DRC7: variants seen among roughly 807,000 people sequenced by gnomAD.
DRC7 encodes dynein regulatory complex subunit 7.
Under a neutral mutation model 104.4 loss-of-function variants are expected in DRC7, and 80 were observed. The observed-to-expected ratio is 0.77, with a 90% CI of 0.64 to 0.92. The LOEUF (loss-of-function observed/expected upper bound fraction) is 0.92. DRC7 is among the 40% of genes least tolerant of loss of function. DRC7 has a pLI of 0.00. For missense variants in DRC7, 1,034 were observed against 1,141.1 expected (o/e 0.91, Z 1.35); for synonymous variants, 405 against 447.3 (o/e 0.91, Z 1.19).
At chr16:57,702,493 C>T (rs975869178) in intron 6 of DRC7, among the ~76,000 whole-genome samples, 1 of 152,126 alleles carries the variant, frequency 6.6e-6, no homozygotes, top group African/African-American at 2.4e-5. Context: ...AAAATCCAGC[C>T]AGCCATTTTT....
intron 8 of DRC7, among the ~76,000 whole-genome samples, 174 bp from the exon 9 acceptor site, chr16:57,718,173 G>A (rs1208671677): frequency 2.0e-5 from 3 of 152,226 alleles, no homozygotes; most frequent in Non-Finnish European, 4.4e-5. Context: ...CTGTTGGGAT[G>A]AGGAGTGTGG....
chr16:57,726,976 G>A, intron 15 of DRC7, 34 bp downstream of exon 15: 1 of 1,361,914 alleles, frequency 7.3e-7, no homozygotes, highest in African/African-American at 1.4e-5. Context: ...CAGGTGGGCG[G>A]TATCTTTGTT....
At chr16:57,707,184 A>G (rs1412605698) in intron 7 of DRC7, among the ~76,000 whole-genome samples, 8 of 152,222 alleles carry the variant, frequency 5.3e-5, no homozygotes, top group African/African-American at 1.9e-4. Flanking sequence ...CCAAAGTCAT[A>G]ACATATAAAG....
intron 17 of DRC7, among the ~76,000 whole-genome samples, chr16:57,728,888 G>A (rs568657962): frequency 4.0e-5 from 6 of 149,352 alleles, no homozygotes; most frequent in South Asian, 4.2e-4. Flanking sequence ...ATAGATGGGT[G>A]GGTGGATTGA....
chr16:57,719,744 GA>G (rs1427057973), intron 9 of DRC7, among the ~76,000 whole-genome samples: 1 of 152,100 alleles, frequency 6.6e-6, no homozygotes, highest in Admixed American at 6.6e-5. Context: ...CTGGGCTCAA[GA>G]GATCCCCTTG....
intron 14 of DRC7, 172 bp downstream of exon 14, chr16:57,726,455 G>A (rs1369809983): frequency 8.0e-6 from 5 of 625,498 alleles, no homozygotes; most frequent in Non-Finnish European, 1.4e-5. Context: ...CCTTCTCTTT[G>A]AGCTCCTCTG....
At chr16:57,709,633 T>A (rs2048772183) in intron 8 of DRC7, among the ~76,000 whole-genome samples, 2 of 152,194 alleles carry the variant, frequency 1.3e-5, no homozygotes, top group South Asian at 4.1e-4. Flanking sequence ...CTGATTGTGT[T>A]CCCCCCTTTT....
rs141535311 is a variant in DRC7, at chr16:57,726,874, G to C, written c.2017G>C (p.Glu673Gln). Residue 673 changes from glutamate (E) to glutamine (Q), a missense_variant, in exon 15 of 19, where the codon GAG (glutamate) becomes CAG (glutamine). Transcript: ENST00000360716. ...CACCAAGAAGCTGCTCTACCAGTAC[G>C]AGGCCATGATGCACCTGAAGAGGGA... ...EHTKKLLYQYEAMMHLKREEK... is the reference protein window; with the variant it reads ...EHTKKLLYQYQAMMHLKREEK... 2 of 1,613,120 alleles carry C rather than the reference G, an allele frequency of 1.2e-6. No homozygotes were observed. Among genetic ancestry groups the C allele is most frequent in the African/African-American group, 2.7e-5 (2 of 74,888 alleles).
Position 57,724,807 on chromosome 16 carries a change from G to A in DRC7, c.1730G>A (p.Ser577Asn). ...CGAGTCAAGAAGCTCACTCTGAGCAGTGCAGAGTCAAACCCCCGGCCCATT... is the reference window on the plus strand; with the variant it reads ...CGAGTCAAGAAGCTCACTCTGAGCAATGCAGAGTCAAACCCCCGGCCCATT... ...GPRVKKLTLS[S>N]AESNPRPIVK... Residue 577 changes from serine (S) to asparagine (N), a missense_variant, in exon 13 of 19, where the codon AGT (serine) becomes AAT (asparagine). Coordinates refer to ENST00000360716, the MANE Select transcript of DRC7 (RefSeq NM_001289162.2). 1 of 1,613,604 alleles carries A rather than the reference G, an allele frequency of 6.2e-7. No individual in the cohort carries two copies. Among genetic ancestry groups the A allele is most frequent in the Non-Finnish European group, 8.5e-7 (1 of 1,179,958 alleles).
chr16:57,717,678 G>A (rs1452719074), intron 8 of DRC7, among the ~76,000 whole-genome samples: 1 of 151,262 alleles, frequency 6.6e-6, no homozygotes, highest in Non-Finnish European at 1.5e-5. Context: ...CAGCCTGGGC[G>A]ACAGAGTGAG....
At chr16:57,728,693 C>G in intron 17 of DRC7, 109 bp downstream of exon 17, 1 of 864,868 alleles carries the variant, frequency 1.2e-6, no homozygotes. Context: ...GGCCTGATGA[C>G]GGGATGAATA....
chr16:57,700,155 GCA>G lies in DRC7; in HGVS notation c.392_393del (p.Thr131AsnfsTer33), dbSNP rs1393584744. On this transcript the variant is annotated frameshift_variant, in exon 5 of 19. Coordinates refer to ENST00000360716, the MANE Select transcript of DRC7 (RefSeq NM_001289162.2). LOFTEE classifies it high-confidence loss of function. ...TCTCTCTCCTTGCAGAAGTTCGTGA[GCA>G]CAACCCTCCGGCCCACACTGATGCC... 6.2e-7 allele frequency: 1 copy of G among 1,613,676 alleles called. No individual in the cohort carries two copies. The highest frequency in any genetic ancestry group is 8.5e-7 in the Non-Finnish European group (1 of 1,179,780).
In DRC7 at chr16:57,705,017, G is replaced by A. The variant is rs2048697102; in HGVS notation, c.841G>A (p.Glu281Lys). 11 of 1,612,306 alleles carry A rather than the reference G, an allele frequency of 6.8e-6. No individual in the cohort carries two copies. The highest frequency in any genetic ancestry group is 8.5e-6 in the Non-Finnish European group (10 of 1,179,860). The change falls in exon 7 of 19, where the codon GAG becomes AAG. Residue 281 changes from glutamate to lysine, a missense_variant. Coordinates refer to ENST00000360716, the MANE Select transcript of DRC7 (RefSeq NM_001289162.2). ...RAQEKKRLREEEERLMEAEKA... is the reference protein window; with the variant it reads ...RAQEKKRLREKEERLMEAEKA... ...CCAGGAGAAGAAGCGGCTGAGGGAG[G>A]AGGAGGAGCGCCTCATGGTGGGTCC...
chr16:57,707,613 A>C lies in DRC7; in HGVS notation c.1012A>C (p.Ile338Leu). 6.2e-7 allele frequency: 1 copy of C among 1,613,592 alleles called. No individual in the cohort carries two copies. The highest frequency in any genetic ancestry group is 1.1e-5 in the South Asian group (1 of 91,082). The change falls in exon 8 of 19, where the codon ATC becomes CTC. Residue 338 changes from isoleucine (I) to leucine (L), a missense_variant. Coordinates refer to ENST00000360716, the MANE Select transcript of DRC7 (RefSeq NM_001289162.2). ...CACCCAGGATGAGCACTTCCTGGGC[A>C]TCGAAAGCCTGTGGAACCACAAGAA... ...YSTQDEHFLGIESLWNHKNYW... is the reference protein window; with the variant it reads ...YSTQDEHFLGLESLWNHKNYW...
At chr16:57,709,858 A>G (rs1433854382) in intron 8 of DRC7, among the ~76,000 whole-genome samples, 4 of 152,082 alleles carry the variant, frequency 2.6e-5, no homozygotes, top group African/African-American at 9.7e-5. Flanking sequence ...CAACCTCTGG[A>G]CTCAAGCAAT....
At position 57,705,016 on chromosome 16, in the gene DRC7, G is replaced by A. The variant is rs1367066893; in HGVS notation, c.840G>A (p.Glu280=). Residue 280 remains glutamate (E), a synonymous_variant, in exon 7 of 19, where the codon GAG becomes GAA. Transcript: ENST00000360716. ...IRAQEKKRLR[E]EEERLMEAEK... Reference sequence around the variant, plus strand: ...CCCAGGAGAAGAAGCGGCTGAGGGAGGAGGAGGAGCGCCTCATGGTGGGTC... The same window carrying A: ...CCCAGGAGAAGAAGCGGCTGAGGGAAGAGGAGGAGCGCCTCATGGTGGGTC... The A allele has an allele frequency of 1.2e-6, 2 of 1,612,422 alleles. No homozygotes were observed. Among genetic ancestry groups the A allele is most frequent in the Admixed American group, 1.7e-5 (1 of 59,980 alleles).
intron 5 of DRC7, 60 bp from the exon 6 acceptor site, chr16:57,701,876 T>C: frequency 2.1e-6 from 3 of 1,459,488 alleles, no homozygotes; most frequent in Non-Finnish European, 1.9e-6. Context: ...CTGTGACCGG[T>C]GGGGAGGACA....
intron 15 of DRC7, 140 bp from the exon 16 acceptor site, chr16:57,727,159 T>C: frequency 1.4e-6 from 1 of 734,712 alleles, no homozygotes; most frequent in Non-Finnish European, 2.3e-6. Flanking sequence ...TTTTAACAGA[T>C]GGGGTTTTTC....
chr16:57,724,924 T>C (rs1349553481), intron 13 of DRC7, 89 bp downstream of exon 13: 17 of 1,056,990 alleles, frequency 1.6e-5, no homozygotes, highest in Non-Finnish European at 2.3e-5. Context: ...GGCTCTGGGG[T>C]GGCATTAAGG....
Sources: gnomAD v4.1 joint callset for allele counts (sites outside exome capture counted in the v4.1 genomes callset) on GRCh38, gnomAD v4.1.1 for gene constraint, MANE v1.5 for transcripts, NCBI Gene and HGNC (gene_info 2026-07-23, HGNC 2026-07-21) for gene names.